SIK2: variants seen among roughly 807,000 people sequenced by gnomAD.
SIK2 encodes the protein serine/threonine-protein kinase SIK2.
A neutral mutation model predicts 103.2 loss-of-function variants in SIK2; 29 were observed. That is an observed-to-expected ratio of 0.28 (90% CI 0.21 to 0.38). The LOEUF (loss-of-function observed/expected upper bound fraction) is 0.38, where lower values mean the gene tolerates loss of function less well. Ranked by LOEUF, SIK2 falls within the 10% of genes least tolerant of loss-of-function variation. The pLI is 1.00. For synonymous variants in SIK2, 412 were observed against 446.1 expected, an observed-to-expected ratio of 0.92 and a Z score of 0.96; for missense variants, 879 against 1,171.0, an observed-to-expected ratio of 0.75 and a Z score of 3.64.
chr11:111,648,503 G>A (rs889499646), intron 3 of SIK2, among the ~76,000 whole-genome samples: 1 of 151,978 alleles, frequency 6.6e-6, no homozygotes, highest in African/African-American at 2.4e-5. Flanking sequence ...TCTCCCAAAG[G>A]CCACACCTCC....
intron 3 of SIK2, among the ~76,000 whole-genome samples, chr11:111,635,458 GGGAAATGAGTA>G (rs1942096733): frequency 1.6e-5 from 1 of 63,422 alleles, no homozygotes; most frequent in Non-Finnish European, 2.8e-5. Flanking sequence ...GAGGGAGGGA[GGGAAATGAGTA>G]AGGAGGGAGA....
intron 3 of SIK2, among the ~76,000 whole-genome samples, chr11:111,650,619 C>G (rs1942315591): frequency 6.6e-6 from 1 of 152,108 alleles, no homozygotes; most frequent in South Asian, 2.1e-4. Flanking sequence ...CTTAAACAGT[C>G]ATTCTCAACC....
chr11:111,604,385 T>TG (rs1460362015), intron 1 of SIK2, among the ~76,000 whole-genome samples: 1 of 152,252 alleles, frequency 6.6e-6, no homozygotes, highest in Non-Finnish European at 1.5e-5. Flanking sequence ...TGTGGTTGAA[T>TG]TCCAAATCCA....
intron 3 of SIK2, among the ~76,000 whole-genome samples, chr11:111,659,158 C>G (rs530325891): frequency 1.0e-3 from 158 of 152,128 alleles, no homozygotes; most frequent in Middle Eastern, 6.8e-3. Context: ...TTAAGTTTTA[C>G]TATCATTGGA....
intron 1 of SIK2, among the ~76,000 whole-genome samples, chr11:111,611,534 G>A (rs1367384310): frequency 6.6e-6 from 1 of 151,838 alleles, no homozygotes; most frequent in East Asian, 1.9e-4. Flanking sequence ...ATTTCCCTGA[G>A]TATTTTGAAG....
At chr11:111,604,831 G>T (rs1160760705) in intron 1 of SIK2, among the ~76,000 whole-genome samples, 1 of 152,184 alleles carries the variant, frequency 6.6e-6, no homozygotes, top group African/African-American at 2.4e-5. Context: ...TGAGATGGGT[G>T]AGGGTATCTG....
In SIK2 at chr11:111,720,505, C is replaced by T; in HGVS notation, c.1523C>T (p.Pro508Leu). Reference protein sequence around the residue: ...AGKIFSMNDSPSLDSVDSEYD... With the variant: ...AGKIFSMNDSLSLDSVDSEYD... ...AAAATTTTCTCCATGAATGACAGCCCCTCCCTTGACAGTGTGGACTCTGAG... is the reference window on the plus strand; with the variant it reads ...AAAATTTTCTCCATGAATGACAGCCTCTCCCTTGACAGTGTGGACTCTGAG... The change falls in exon 11 of 15, where the codon CCC (proline) becomes CTC (leucine). Residue 508 changes from proline to leucine, a missense_variant. Around this residue, in one of 7 missense-constraint regions of SIK2, gnomAD observed 222 missense variants for 258.0 expected, o/e 0.86. Transcript: ENST00000304987. The T allele has an allele frequency of 6.2e-7, 1 of 1,604,366 alleles. No homozygotes were observed. Among genetic ancestry groups the T allele is most frequent in the South Asian group, 1.1e-5 (1 of 89,020 alleles).
rs982130291 is a variant in SIK2 at position 111,688,239 on chromosome 11, C to T, written c.478+77C>T. 27 of 1,452,844 alleles carry T rather than the reference C, an allele frequency of 1.9e-5. No individual in the cohort carries two copies. Among genetic ancestry groups the T allele is most frequent in the South Asian group, 8.3e-5 (7 of 84,462 alleles). 90.0% of individuals were successfully genotyped at this position (1,452,844 alleles called of 1,614,324 possible). A position where few individuals can be genotyped will look rare whatever the true frequency, so the allele number is the denominator to read the frequency against. On this transcript the variant is annotated intron_variant, in intron 4 of 14. Transcript: ENST00000304987. The surrounding 1 kb of genome is among the most constrained non-coding windows in gnomAD (Gnocchi z 4.2). The stretch of plus-strand genomic sequence containing the variant: ...CAGTGTGTGGAAACAGACCTGCAGG[C>T]GCAGATTCAGCAGCATTTCTACCTG...
chr11:111,611,315 C>G (rs1941723988), intron 1 of SIK2, among the ~76,000 whole-genome samples: 1 of 151,746 alleles, frequency 6.6e-6, no homozygotes, highest in Middle Eastern at 3.4e-3. Flanking sequence ...AATAACTTCT[C>G]AGAAGAGTCC....
intron 3 of SIK2, among the ~76,000 whole-genome samples, chr11:111,640,012 T>C (rs367557883): frequency 5.3e-5 from 8 of 152,348 alleles, no homozygotes; most frequent in African/African-American, 1.9e-4. Flanking sequence ...TGGCACAGGA[T>C]GTGAACATGG....
chr11:111,707,541 C>T (rs1425554235), intron 8 of SIK2, among the ~76,000 whole-genome samples: 1 of 152,184 alleles, frequency 6.6e-6, no homozygotes, highest in African/African-American at 2.4e-5. Context: ...CTTCAATGCT[C>T]ATTCACATGC....
At position 111,701,086 on chromosome 11, in the gene SIK2, T is replaced by G; in HGVS notation, c.603+76T>G. 6.5e-7 allele frequency: 1 copy of G among 1,536,758 alleles called. No individual in the cohort carries two copies. Among genetic ancestry groups the G allele is most frequent in the Non-Finnish European group, 8.8e-7 (1 of 1,135,266 alleles). ...TGGTGTTCTGGCCCATCTTAGAAGC[T>G]CCTGGTACTTAACACATAAGCAGTA... On this transcript the variant is annotated intron_variant, in intron 5 of 14. Coordinates refer to ENST00000304987, the MANE Select transcript of SIK2 (RefSeq NM_015191.3). The surrounding 1 kb of genome is among the most constrained non-coding windows in gnomAD (Gnocchi z 4.2).
At chr11:111,711,205 G>A (rs961808869) in intron 8 of SIK2, among the ~76,000 whole-genome samples, 5 of 150,686 alleles carry the variant, frequency 3.3e-5, no homozygotes, top group African/African-American at 9.8e-5. Context: ...TGCAAGCTCC[G>A]CCTCCCGGGT....
Position 111,719,988 on chromosome 11 carries a change from G to A in SIK2, c.1480G>A (p.Val494Met), listed in dbSNP as rs757084986. 11 of 1,613,640 alleles carry A rather than the reference G, an allele frequency of 6.8e-6. No individual in the cohort carries two copies. Among genetic ancestry groups the A allele is most frequent in the Middle Eastern group, 1.6e-4 (1 of 6,062 alleles). ...TLSEVTNQLV[V>M]MPGAGKIFSM... ...GTCAGAAGTGACCAATCAACTGGTC[G>A]TGATGCCTGGGGCAGGTACGGTAGA... is the stretch of plus-strand genomic sequence containing the variant. The change falls in exon 10 of 15, where the codon GTG becomes ATG. Residue 494 changes from valine (V) to methionine (M), a missense_variant. This residue lies in a region of SIK2 where 222 missense variants were observed against 258.0 expected (regional missense o/e 0.86). Coordinates refer to ENST00000304987, the MANE Select transcript of SIK2 (RefSeq NM_015191.3).
In SIK2 at chr11:111,616,260, C is replaced by A; in HGVS notation, c.153C>A (p.Ile51=). 1 of 1,612,156 alleles carries A rather than the reference C, an allele frequency of 6.2e-7. No homozygotes were observed. The highest frequency in any genetic ancestry group is 8.5e-7 in the Non-Finnish European group (1 of 1,178,634). The change falls in exon 2 of 15, where the codon ATC becomes ATA. Residue 51 remains isoleucine, a synonymous_variant. Transcript: ENST00000304987. ...GGATGCAGGTGGCAATAAAAATAAT[C>A]GATAAGTCTCAGCTGGATGCAGTGA... ...ITKTEVAIKI[I]DKSQLDAVNL... is the part of the protein sequence containing the mutation.
intron 3 of SIK2, among the ~76,000 whole-genome samples, chr11:111,637,791 A>G (rs1043438789): frequency 2.6e-5 from 4 of 152,180 alleles, no homozygotes; most frequent in African/African-American, 9.7e-5. Flanking sequence ...CTCTCTCAGA[A>G]CAACAATAAT....
At chr11:111,622,550 G>A (rs767457089) in intron 3 of SIK2, among the ~76,000 whole-genome samples, 5 of 151,988 alleles carry the variant, frequency 3.3e-5, no homozygotes, top group Non-Finnish European at 5.9e-5. Context: ...CACCGCACCC[G>A]GCGTCTGAAG....
At chr11:111,660,839 C>CTTTTTTTTTTT (rs57174726) in intron 3 of SIK2, among the ~76,000 whole-genome samples, 1 of 90,398 alleles carries the variant, frequency 1.1e-5, no homozygotes, top group Non-Finnish European at 2.0e-5. Context: ...GTGAAGTTGG[C>CTTTTTTTTTTT]TTTTTTTTTT....
intron 2 of SIK2, 31 bp from the exon 3 acceptor site, chr11:111,620,308 G>A: frequency 1.2e-5 from 16 of 1,364,698 alleles, no homozygotes; most frequent in Non-Finnish European, 1.5e-5. Flanking sequence ...GTACATTTCT[G>A]TCAGACTAAT....
Sources: allele counts gnomAD v4.1 joint callset (sites outside exome capture counted in the v4.1 genomes callset), GRCh38; gene constraint gnomAD v4.1.1; regional missense constraint gnomAD v4.1.1; non-coding constraint Gnocchi (gnomAD v3.1); transcripts MANE v1.5; gene names NCBI Gene and HGNC (gene_info 2026-07-23, HGNC 2026-07-21).